Variants in GNA12 observed in about 807,000 individuals in gnomAD.
The protein encoded by GNA12 is guanine nucleotide-binding protein subunit alpha-12.
In GNA12, 9 loss-of-function variants were observed where a neutral mutation model predicts 26.0. That is an observed-to-expected ratio of 0.35 (90% CI 0.21 to 0.60). The LOEUF is 0.60. GNA12 is among the 20% of genes least tolerant of loss of function. GNA12 has a pLI of 0.78. For synonymous variants in GNA12, 264 were observed against 219.6 expected (o/e 1.20, Z -1.79); for missense variants, 405 against 525.8 (o/e 0.77, Z 2.25).
At chr7:2,772,888 C>T (rs1376996334) in intron 2 of GNA12, among the ~76,000 whole-genome samples, 3 of 152,148 alleles carry the variant, frequency 2.0e-5, no homozygotes, top group Non-Finnish European at 2.9e-5. Context: ...GAAACAAACA[C>T]CATGTCTGTG....
At chr7:2,814,698 C>T (rs191194852) in intron 1 of GNA12, among the ~76,000 whole-genome samples, 2 of 150,624 alleles carry the variant, frequency 1.3e-5, no homozygotes, top group Non-Finnish European at 2.9e-5. Context: ...AAGGCTGGAC[C>T]AGTCACCGTC....
chr7:2,809,174 C>G lies in GNA12; in HGVS notation c.310-14031G>C, dbSNP rs191667557. Among the ~76,000 whole-genome samples, 21 of 152,284 alleles carry G rather than the reference C, an allele frequency of 1.4e-4. No homozygotes were observed. The South Asian group carries it at 4.4e-3, about 32-fold the overall frequency. On this transcript the variant is annotated intron_variant, in intron 1 of 3. Transcript: ENST00000275364. ...ATCTCCTGTATGATTCTCTCCCCAC[C>G]GAGCACAAGCCCCACAAGGACAGGG...
At chr7:2,806,462 AAAAAAAAAAAAAAAAAG>A (rs1195261434) in intron 1 of GNA12, among the ~76,000 whole-genome samples, 1 of 150,502 alleles carries the variant, frequency 6.6e-6, no homozygotes, top group African/African-American at 2.4e-5. Flanking sequence ...TGTCTCAAAA[AAAAAAAAAAAAAAAAAG>A]AAAAAGAAAA....
chr7:2,735,651 G>A (rs973169793), intron 2 of GNA12, among the ~76,000 whole-genome samples: 3 of 152,174 alleles, frequency 2.0e-5, no homozygotes, highest in African/African-American at 7.2e-5. Flanking sequence ...CTTTCTCCAC[G>A]ATGACTGAAT....
chr7:2,811,888 A>G (rs775139892), intron 1 of GNA12, among the ~76,000 whole-genome samples: 14 of 152,224 alleles, frequency 9.2e-5, no homozygotes, highest in Non-Finnish European at 1.3e-4. Context: ...CTCCCTTAAG[A>G]GCCAAGTGAA....
chr7:2,749,354 C>T (rs988174562), intron 2 of GNA12, among the ~76,000 whole-genome samples: 3 of 152,154 alleles, frequency 2.0e-5, no homozygotes, highest in African/African-American at 7.2e-5. Context: ...AGTTCTTGTC[C>T]TTTGTAGGGA....
At chr7:2,757,199 G>A (rs1476006824) in intron 2 of GNA12, among the ~76,000 whole-genome samples, 1 of 136,852 alleles carries the variant, frequency 7.3e-6, no homozygotes, top group Non-Finnish European at 1.5e-5. Flanking sequence ...GTAGTGGCAC[G>A]ATCTTGGCTC....
chr7:2,825,782 C>G (rs144560378), intron 1 of GNA12, among the ~76,000 whole-genome samples: 1 of 152,104 alleles, frequency 6.6e-6, no homozygotes, highest in East Asian at 1.9e-4. Flanking sequence ...GTGGTGGGGC[C>G]GCAGACACAA....
intron 1 of GNA12, 59 bp downstream of exon 1, chr7:2,843,794 G>GT (rs1779080519): frequency 2.1e-6 from 2 of 960,844 alleles, no homozygotes; most frequent in East Asian, 6.7e-5. Context: ...GGGGCCCGGG[G>GT]CGGGGGTTAG....
At chr7:2,785,703 A>G (rs1484519734) in intron 2 of GNA12, among the ~76,000 whole-genome samples, 1 of 151,124 alleles carries the variant, frequency 6.6e-6, no homozygotes, top group Non-Finnish European at 1.5e-5. Context: ...GTGCATACAC[A>G]CACACATTTT....
At chr7:2,762,630 G>A in intron 2 of GNA12, 1 of 1,577,956 alleles carries the variant, frequency 6.3e-7, no homozygotes, top group Non-Finnish European at 8.6e-7. Flanking sequence ...AGACCCCAAT[G>A]CCATGAAGCA....
intron 1 of GNA12, among the ~76,000 whole-genome samples, chr7:2,830,740 C>T (rs565010305): frequency 8.5e-5 from 13 of 152,268 alleles, no homozygotes; most frequent in South Asian, 4.1e-4. Context: ...CAGGTTTACT[C>T]GGAGGATCAA....
rs1793296084 is a variant in GNA12, at chr7:2,819,360, C to G, written c.310-24217G>C. Among the ~76,000 whole-genome samples, 4 of 152,332 alleles carry G rather than the reference C, an allele frequency of 2.6e-5. No individual in the cohort carries two copies. The South Asian group carries it at 8.3e-4, about 32-fold the overall frequency. On this transcript the variant is annotated intron_variant, in intron 1 of 3. Transcript: ENST00000275364. ...GTTAGTCTCATGACACTCAGGGCAACCAACTGAGCCACACTGTGCCCAGAC... is the reference window on the plus strand; with the variant it reads ...GTTAGTCTCATGACACTCAGGGCAAGCAACTGAGCCACACTGTGCCCAGAC...
At chr7:2,776,306 G>C (rs1370621441) in intron 2 of GNA12, among the ~76,000 whole-genome samples, 3 of 152,218 alleles carry the variant, frequency 2.0e-5, no homozygotes, top group African/African-American at 7.2e-5. Context: ...GAAGAGGCCA[G>C]TGCTCAGAGT....
intron 2 of GNA12, among the ~76,000 whole-genome samples, chr7:2,773,845 C>T (rs775132499): frequency 6.6e-6 from 1 of 152,192 alleles, no homozygotes; most frequent in Non-Finnish European, 1.5e-5. Context: ...TTTGTAATGA[C>T]GCTGAGCTGG....
intron 2 of GNA12, among the ~76,000 whole-genome samples, chr7:2,789,118 AC>A (rs1792446676): frequency 3.5e-5 from 4 of 114,244 alleles, no homozygotes; most frequent in African/African-American, 6.6e-5. Flanking sequence ...CCGTGCCCGG[AC>A]CCCTTCAGGC....
chr7:2,839,038 C>T (rs376251582), intron 1 of GNA12, among the ~76,000 whole-genome samples: 6 of 152,166 alleles, frequency 3.9e-5, no homozygotes, highest in African/African-American at 7.2e-5. Context: ...TAGAACATTC[C>T]GCCAAACGAG....
At chr7:2,759,098 C>T (rs929256613) in intron 2 of GNA12, among the ~76,000 whole-genome samples, 3 of 150,904 alleles carry the variant, frequency 2.0e-5, no homozygotes, top group Non-Finnish European at 4.4e-5. Flanking sequence ...CGAGATTACA[C>T]CATTGCACTC....
At chr7:2,774,019 C>T (rs1405079665) in intron 2 of GNA12, among the ~76,000 whole-genome samples, 4 of 152,150 alleles carry the variant, frequency 2.6e-5, no homozygotes, top group Non-Finnish European at 5.9e-5. Flanking sequence ...GGAGTAAATA[C>T]CGTGTGAGGC....
Sources: gnomAD v4.1 joint callset for allele counts (sites outside exome capture counted in the v4.1 genomes callset) on GRCh38, gnomAD v4.1.1 for gene constraint, MANE v1.5 for transcripts, NCBI Gene and HGNC (gene_info 2026-07-23, HGNC 2026-07-21) for gene names.